The following ATG10 variants were observed in gnomAD, a reference collection of about 807,000 sequenced individuals.
The protein encoded by ATG10 is autophagy related 10, also known as ubiquitin-like-conjugating enzyme ATG10.
In ATG10, 30 loss-of-function variants were observed where a neutral mutation model predicts 32.1. The ratio of observed to expected loss-of-function variants is 0.94; its 90% CI spans 0.70 to 1.27. The LOEUF (loss-of-function observed/expected upper bound fraction) is 1.27, where lower values mean the gene tolerates loss of function less well. ATG10 is among the 50% of genes most tolerant of loss of function. The pLI is 0.00. For missense variants in ATG10, 233 were observed against 262.3 expected (o/e 0.89, Z 0.77); for synonymous variants, 87 against 91.5 (o/e 0.95, Z 0.28).
chr5:82,117,273 A>T (rs1269333684), intron 3 of ATG10, among the ~76,000 whole-genome samples: 1 of 152,146 alleles, frequency 6.6e-6, no homozygotes, highest in Non-Finnish European at 1.5e-5. Flanking sequence ...AGGAAATGGA[A>T]TGAGGTTTGA....
At chr5:82,240,290 G>T (rs1030510020) in intron 5 of ATG10, among the ~76,000 whole-genome samples, 6 of 152,102 alleles carry the variant, frequency 3.9e-5, no homozygotes, top group Admixed American at 3.9e-4. Context: ...AAAGAGAATG[G>T]ATAAAGAATA....
intron 5 of ATG10, among the ~76,000 whole-genome samples, chr5:82,214,773 A>G (rs952270309): frequency 6.6e-6 from 1 of 152,124 alleles, no homozygotes; most frequent in Non-Finnish European, 1.5e-5. Context: ...GCTAACCCTC[A>G]TTGAGACTCC....
At chr5:82,100,063 C>T (rs1222581325) in intron 3 of ATG10, among the ~76,000 whole-genome samples, 1 of 117,222 alleles carries the variant, frequency 8.5e-6, no homozygotes, top group Non-Finnish European at 1.6e-5. Context: ...GGCTGGAGTG[C>T]AGTGGTGTGA....
chr5:82,080,659 G>A (rs1764446547), intron 3 of ATG10, among the ~76,000 whole-genome samples: 1 of 152,210 alleles, frequency 6.6e-6, no homozygotes, highest in Admixed American at 6.5e-5. Flanking sequence ...GTTTGTCAAA[G>A]ATCAGATGGT....
At chr5:82,075,524 T>A (rs1764248578) in intron 3 of ATG10, among the ~76,000 whole-genome samples, 2 of 152,262 alleles carry the variant, frequency 1.3e-5, no homozygotes, top group Non-Finnish European at 2.9e-5. Flanking sequence ...AATCTATAAC[T>A]ATTTCAACAA....
rs1166784267 is a variant in ATG10, at chr5:82,037,234, CTTTTTTTTTTTT to C, written c.109-21241_109-21230del. Among the ~76,000 whole-genome samples the C allele has an allele frequency of 8.7e-3, 322 of 36,924 alleles. 1 individual carries two copies. The highest frequency in any genetic ancestry group is 0.027 in the African/African-American group (271 of 10,168). 24.2% of individuals were successfully genotyped at this position (36,924 alleles called of 152,430 possible). ...ACTTTTTGTAATAAGATCTCATTTA[CTTTTTTTTTTTT>C]TTTTTTTTTTTTTTTTTTTGAGACG... On this transcript the variant is annotated intron_variant, in intron 2 of 7. Transcript: ENST00000282185.
chr5:82,079,343 G>A (rs1764389199), intron 3 of ATG10, among the ~76,000 whole-genome samples: 1 of 152,050 alleles, frequency 6.6e-6, no homozygotes, highest in Admixed American at 6.6e-5. Context: ...GGCAAAGAGA[G>A]AGAGAGCACT....
At chr5:82,110,961 T>C (rs1765600409) in intron 3 of ATG10, among the ~76,000 whole-genome samples, 1 of 152,046 alleles carries the variant, frequency 6.6e-6, no homozygotes, top group Admixed American at 6.6e-5. Flanking sequence ...CAATAGTAGA[T>C]ATGGTAGAAG....
intron 5 of ATG10, among the ~76,000 whole-genome samples, chr5:82,251,488 G>A (rs1217071177): frequency 6.6e-6 from 1 of 152,172 alleles, no homozygotes; most frequent in Non-Finnish European, 1.5e-5. Flanking sequence ...TTCACAAATA[G>A]GGAGGTCTGG....
At chr5:82,218,409 T>C (rs1173162119) in intron 5 of ATG10, among the ~76,000 whole-genome samples, 1 of 152,228 alleles carries the variant, frequency 6.6e-6, no homozygotes, top group African/African-American at 2.4e-5. Flanking sequence ...GAGTTTTTTT[T>C]GTTGGTACAG....
chr5:82,129,693 GCT>G (rs1274670569), intron 3 of ATG10, among the ~76,000 whole-genome samples: 1 of 152,094 alleles, frequency 6.6e-6, no homozygotes, highest in African/African-American at 2.4e-5. Context: ...AGCAAAGATT[GCT>G]TCCTGTTCCT....
intron 3 of ATG10, among the ~76,000 whole-genome samples, chr5:82,129,204 TG>T (rs1766409673): frequency 6.6e-6 from 1 of 151,962 alleles, no homozygotes; most frequent in Non-Finnish European, 1.5e-5. Flanking sequence ...TCAGTTCATT[TG>T]GTTTTTCTCT....
chr5:82,067,781 G>A (rs1413981437), intron 3 of ATG10, among the ~76,000 whole-genome samples: 1 of 152,158 alleles, frequency 6.6e-6, no homozygotes, highest in Non-Finnish European at 1.5e-5. Context: ...TATGTATTAA[G>A]CTAGTAGAAA....
chr5:82,232,886 T>C (rs1746420674), intron 5 of ATG10, among the ~76,000 whole-genome samples: 1 of 152,190 alleles, frequency 6.6e-6, no homozygotes, highest in South Asian at 2.1e-4. Flanking sequence ...GGACTCTGCC[T>C]TCCTTTCTAG....
At chr5:82,002,964 T>G (rs148225472) in intron 2 of ATG10, among the ~76,000 whole-genome samples, 88 of 152,278 alleles carry the variant, frequency 5.8e-4, no homozygotes, top group Non-Finnish European at 1.1e-3. Flanking sequence ...AGAAAAAAAT[T>G]ATTTCACGTG....
intron 3 of ATG10, among the ~76,000 whole-genome samples, chr5:82,114,307 C>G (rs1295333792): frequency 6.6e-6 from 1 of 152,010 alleles, no homozygotes; most frequent in Admixed American, 6.6e-5. Flanking sequence ...TTGTTACTTA[C>G]TCTCTGCCAT....
Position 82,230,334 on chromosome 5 carries a change from C to T in ATG10, c.454-22228C>T, listed in dbSNP as rs112222239. ...AGGGAAATGTGATCATACAAATCAA[C>T]AAATACGAAATACAAATATTCCCAC... is the stretch of plus-strand genomic sequence containing the variant. On this transcript the variant is annotated intron_variant, in intron 5 of 7. Coordinates refer to ENST00000282185, the MANE Select transcript of ATG10 (RefSeq NM_031482.5). 6.6e-4 allele frequency among the ~76,000 whole-genome samples: 100 copies of T among 152,228 alleles called. 1 individual carries two copies. Among genetic ancestry groups the T allele is most frequent in the African/African-American group, 2.2e-3 (93 of 41,540 alleles).
intron 2 of ATG10, among the ~76,000 whole-genome samples, chr5:81,991,576 C>T (rs758907483): frequency 2.6e-5 from 4 of 152,028 alleles, no homozygotes; most frequent in Non-Finnish European, 5.9e-5. Flanking sequence ...GGTTGATTAC[C>T]TGAGGTCAGG....
At chr5:82,103,220 T>A (rs530756933) in intron 3 of ATG10, among the ~76,000 whole-genome samples, 8 of 152,204 alleles carry the variant, frequency 5.3e-5, no homozygotes, top group Admixed American at 2.6e-4. Context: ...TTAATAAATA[T>A]GTTTTGATCT....
Sources: gnomAD v4.1 joint callset for allele counts (sites outside exome capture counted in the v4.1 genomes callset) on GRCh38, gnomAD v4.1.1 for gene constraint, MANE v1.5 for transcripts, NCBI Gene and HGNC (gene_info 2026-07-23, HGNC 2026-07-21) for gene names.